PCDH15: variants seen among roughly 807,000 people sequenced by gnomAD.
The protein encoded by PCDH15 is protocadherin-15.
PCDH15 carries 129 observed loss-of-function variants against 178.5 expected under a neutral mutation model. The ratio of observed to expected loss-of-function variants is 0.72; its 90% CI spans 0.63 to 0.84. The LOEUF (loss-of-function observed/expected upper bound fraction) is 0.84, where lower values mean the gene tolerates loss of function less well. Among genes scored for constraint, PCDH15 ranks in the 40% least tolerant of loss-of-function variants. The pLI is 0.00. For synonymous variants in PCDH15, 800 were observed against 732.0 expected (o/e 1.09, Z -1.50); for missense variants, 2,230 against 2,099.9 (o/e 1.06, Z -1.21).
intron 13 of PCDH15, among the ~76,000 whole-genome samples, chr10:54,172,488 C>G (rs908074979): frequency 2.6e-5 from 4 of 152,112 alleles, no homozygotes; most frequent in Non-Finnish European, 4.4e-5. Flanking sequence ...TTGGTGGTCT[C>G]TTCACGCGCA....
Position 54,411,013 on chromosome 10 carries a change from G to T in PCDH15, c.158-32071C>A, listed in dbSNP as rs570428882. ...AGAATTTGCAAAGAATTGATATATA[G>T]AGTTTAAGTATGTGTCTCTGTATGT... On this transcript the variant is annotated intron_variant, in intron 3 of 37. Transcript: ENST00000644397. Among the ~76,000 whole-genome samples the T allele has an allele frequency of 3.3e-5, 5 of 152,222 alleles. No homozygotes were observed. The South Asian group carries it at 8.3e-4, about 25-fold the overall frequency.
intron 2 of PCDH15, among the ~76,000 whole-genome samples, chr10:54,988,855 T>G (rs1839435741): frequency 6.6e-6 from 1 of 152,140 alleles, no homozygotes. Context: ...GGAGCCCAAA[T>G]GTTTATCCCC....
chr10:55,619,023 G>A (rs1405814063), intron 2 of PCDH15, among the ~76,000 whole-genome samples: 3 of 151,972 alleles, frequency 2.0e-5, no homozygotes, highest in Admixed American at 1.3e-4. Flanking sequence ...TAACAAAAGC[G>A]TGATCGTAAA....
At chr10:55,232,128 A>G (rs1045028499) in intron 1 of PCDH15, among the ~76,000 whole-genome samples, 2 of 151,964 alleles carry the variant, frequency 1.3e-5, no homozygotes, top group Non-Finnish European at 1.5e-5. Context: ...TGTCAAAATT[A>G]TAGTCTGTGT....
At chr10:54,398,265 T>C (rs943497112) in intron 3 of PCDH15, among the ~76,000 whole-genome samples, 3 of 151,884 alleles carry the variant, frequency 2.0e-5, no homozygotes, top group Non-Finnish European at 2.9e-5. Flanking sequence ...AAAAACACTA[T>C]GGAAGAAAAT....
At chr10:54,709,075 A>G (rs987059829) in intron 1 of PCDH15, among the ~76,000 whole-genome samples, 1 of 152,124 alleles carries the variant, frequency 6.6e-6, no homozygotes, top group Non-Finnish European at 1.5e-5. Flanking sequence ...TATTTGCTTT[A>G]AATTCTTACC....
Position 55,214,971 on chromosome 10 carries a change from T to C in PCDH15, c.-155-48320A>G, listed in dbSNP as rs568529629. ...GCTTGAATTTGAGAGAGAACTCTTC[T>C]ACGAGGTATTACATATTTATTCACT... On this transcript the variant is annotated intron_variant, in intron 1 of 5. Transcript: ENST00000458638. 4.8e-4 allele frequency among the ~76,000 whole-genome samples: 73 copies of C among 152,288 alleles called. 1 individual carries two copies. Among genetic ancestry groups the C allele is most frequent in the African/African-American group, 1.6e-3 (68 of 41,538 alleles).
At chr10:54,867,823 C>G (rs1953966454) in intron 3 of PCDH15, among the ~76,000 whole-genome samples, 1 of 152,070 alleles carries the variant, frequency 6.6e-6, no homozygotes, top group Non-Finnish European at 1.5e-5. Context: ...AATACTTTGT[C>G]CTCTAGCTCA....
intron 2 of PCDH15, among the ~76,000 whole-genome samples, chr10:54,545,137 A>C (rs1331396849): frequency 1.3e-5 from 2 of 152,216 alleles, no homozygotes; most frequent in Non-Finnish European, 2.9e-5. Context: ...AAAGGAAGGC[A>C]TGTTTCCAAT....
chr10:54,976,191 A>G (rs1839066035), intron 2 of PCDH15, among the ~76,000 whole-genome samples: 2 of 152,326 alleles, frequency 1.3e-5, no homozygotes, highest in South Asian at 4.1e-4. Context: ...TGAGAAAATG[A>G]CAAATATTAA....
At position 55,421,861 on chromosome 10, in the gene PCDH15, A is replaced by G. The variant is rs568571395; in HGVS notation, c.-156+205764T>C. On this transcript the variant is annotated intron_variant, in intron 2 of 5. Transcript: ENST00000613346. ...CAAAATTATTACTTGGGATTTATCTATTTTGTAGATTTTCTTCCTATATGC... is the reference window on the plus strand; with the variant it reads ...CAAAATTATTACTTGGGATTTATCTGTTTTGTAGATTTTCTTCCTATATGC... Among the ~76,000 whole-genome samples, 7 of 151,824 alleles carry G rather than the reference A, an allele frequency of 4.6e-5. No individual in the cohort carries two copies. The East Asian group carries it at 1.4e-3, about 29-fold the overall frequency.
intron 7 of PCDH15, among the ~76,000 whole-genome samples, chr10:54,329,185 C>T (rs531025835): frequency 5.3e-5 from 8 of 151,848 alleles, no homozygotes; most frequent in African/African-American, 1.7e-4. Context: ...CTTAGAATTC[C>T]CTGAAGAGCT....
In PCDH15 at chr10:54,298,583, C is replaced by A. The variant is rs1028780535; in HGVS notation, c.876+18688G>T. On this transcript the variant is annotated intron_variant, in intron 8 of 37. Transcript: ENST00000644397. Reference sequence around the variant, plus strand: ...CTCATCCATGTCCACTGTGCAGAGGCAATCACTGGAAGGCACACTGCCCCA... The same window carrying A: ...CTCATCCATGTCCACTGTGCAGAGGAAATCACTGGAAGGCACACTGCCCCA... Among the ~76,000 whole-genome samples, 28 of 152,216 alleles carry A rather than the reference C, an allele frequency of 1.8e-4. 1 individual carries two copies. Among genetic ancestry groups the A allele is most frequent in the Middle Eastern group, 3.2e-3 (1 of 316 alleles).
chr10:54,183,191 G>A (rs1051384001), intron 13 of PCDH15, among the ~76,000 whole-genome samples: 2 of 152,146 alleles, frequency 1.3e-5, no homozygotes, highest in African/African-American at 2.4e-5. Context: ...GGCTGGTCTC[G>A]AACTCCCGAC....
chr10:54,021,922 A>C (rs2092932460), intron 19 of PCDH15, among the ~76,000 whole-genome samples: 1 of 152,016 alleles, frequency 6.6e-6, no homozygotes, highest in African/African-American at 2.4e-5. Flanking sequence ...TTGTTAAATA[A>C]ATAACTTAAC....
intron 1 of PCDH15, among the ~76,000 whole-genome samples, chr10:55,261,520 GT>G (rs1424225050): frequency 2.6e-5 from 4 of 152,040 alleles, no homozygotes; most frequent in African/African-American, 7.2e-5. Context: ...ATGTATTTGT[GT>G]ATTGCATCTC....
chr10:53,808,489 G>T (rs535062260), intron 37 of PCDH15: 2 of 1,379,212 alleles, frequency 1.5e-6, no homozygotes, highest in African/African-American at 2.9e-5. Flanking sequence ...GGAAGGATTA[G>T]TCAGTTTTAC....
chr10:54,258,233 G>C (rs574588541), intron 8 of PCDH15, among the ~76,000 whole-genome samples: 2 of 152,228 alleles, frequency 1.3e-5, no homozygotes, highest in African/African-American at 4.8e-5. Flanking sequence ...TTGATGTCTT[G>C]TTCTTGTTGA....
chr10:54,491,956 G>C (rs139120723), intron 3 of PCDH15, among the ~76,000 whole-genome samples: 2 of 152,060 alleles, frequency 1.3e-5, no homozygotes, highest in South Asian at 4.1e-4. Flanking sequence ...AAGCACCCAC[G>C]GTGATCCAAA....
Sources: allele counts gnomAD v4.1 joint callset (sites outside exome capture counted in the v4.1 genomes callset), GRCh38; gene constraint gnomAD v4.1.1; transcripts MANE v1.5; gene names NCBI Gene and HGNC (gene_info 2026-07-23, HGNC 2026-07-21).